Variants in COL5A2 observed in about 807,000 individuals in gnomAD.
The protein encoded by COL5A2 is collagen type V alpha 2 chain.
Under a neutral mutation model 208.2 loss-of-function variants are expected in COL5A2, and 23 were observed. That is an observed-to-expected ratio of 0.11 (90% confidence interval 0.08 to 0.16). The LOEUF is 0.16. Among genes scored for constraint, COL5A2 ranks in the 10% least tolerant of loss-of-function variants. COL5A2 has a pLI of 1.00. For missense variants in COL5A2, 1,590 were observed against 1,956.4 expected, an observed-to-expected ratio of 0.81 and a Z score of 3.53; for synonymous variants, 625 against 628.5, an observed-to-expected ratio of 0.99 and a Z score of 0.08.
intron 18 of COL5A2, among the ~76,000 whole-genome samples, chr2:189,071,064 C>G (rs1686264084): frequency 6.6e-6 from 1 of 152,134 alleles, no homozygotes; most frequent in Admixed American, 6.5e-5. Context: ...TGGTTTGTTT[C>G]TAAGTTTAAA....
At chr2:189,227,946 T>A (rs116661960), upstream of COL5A2, among the ~76,000 whole-genome samples, 1,963 of 152,004 alleles carry the variant, frequency 0.013, 48 homozygotes, top group African/African-American at 0.044. Context: ...AAACAAAACT[T>A]AACTAATTTA....
the COL5A2 span, chr2:189,311,249 C>T: frequency 2.1e-6 from 3 of 1,457,720 alleles, no homozygotes; most frequent in Admixed American, 1.7e-5. Flanking sequence ...GGGTACCCTG[C>T]TTCTGCTGGC....
intron 35 of COL5A2, among the ~76,000 whole-genome samples, chr2:189,055,384 A>C: frequency 6.6e-6 from 1 of 152,204 alleles, no homozygotes; most frequent in Non-Finnish European, 1.5e-5. Flanking sequence ...TCTTTAAAAC[A>C]AGTTCTCTAT....
chr2:189,126,904 G>A (rs900626116), intron 1 of COL5A2, among the ~76,000 whole-genome samples: 2 of 151,986 alleles, frequency 1.3e-5, no homozygotes, highest in Non-Finnish European at 2.9e-5. Flanking sequence ...TTCTTCTTTA[G>A]GTGCCAAAAC....
At chr2:189,040,827 T>C (rs1445182898) in intron 50 of COL5A2, among the ~76,000 whole-genome samples, 1 of 152,218 alleles carries the variant, frequency 6.6e-6, no homozygotes, top group African/African-American at 2.4e-5. Context: ...AGCTGTTTCC[T>C]ATTCACAATT....
rs560990378 is a variant in COL5A2 at position 189,047,317 on chromosome 2, GA to G, written c.3201+891del. On this transcript the variant is annotated intron_variant, in intron 45 of 53. Transcript: ENST00000374866. The stretch of plus-strand genomic sequence containing the variant: ...CACTATATAGTATATATTGACAAAG[GA>G]AAAAGCCCAAGTTGCCAAGAGAATT... Among the ~76,000 whole-genome samples the G allele has an allele frequency of 2.4e-3, 360 of 152,210 alleles. 6 individuals are homozygous for G. Among genetic ancestry groups the G allele is most frequent in the Non-Finnish European group, 4.4e-4 (30 of 68,004 alleles).
At chr2:189,081,404 A>G (rs890336739) in intron 12 of COL5A2, among the ~76,000 whole-genome samples, 4 of 152,166 alleles carry the variant, frequency 2.6e-5, no homozygotes, top group African/African-American at 9.7e-5. Context: ...TGACTATACC[A>G]AGGTAGAAAA....
the COL5A2 span, among the ~76,000 whole-genome samples, chr2:189,432,857 C>T: frequency 6.6e-6 from 1 of 152,182 alleles, no homozygotes; most frequent in African/African-American, 2.4e-5. Flanking sequence ...GAACTCTCCA[C>T]CCCAAATCAA....
At chr2:189,399,386 G>C in the COL5A2 span, among the ~76,000 whole-genome samples, 2 of 151,742 alleles carry the variant, frequency 1.3e-5, no homozygotes, top group African/African-American at 4.8e-5. Flanking sequence ...AAGTAGATGG[G>C]ATTACAGGTG....
intron 1 of COL5A2, among the ~76,000 whole-genome samples, chr2:189,114,640 A>G (rs1212657719): frequency 6.6e-6 from 1 of 151,154 alleles, no homozygotes; most frequent in South Asian, 2.1e-4. Context: ...TTAAAAAAAA[A>G]AAAAAAAAAT....
At chr2:189,323,145 A>G in the COL5A2 span, among the ~76,000 whole-genome samples, 5 of 152,354 alleles carry the variant, frequency 3.3e-5, no homozygotes, top group African/African-American at 1.2e-4. Flanking sequence ...AACTCTCAAT[A>G]AATTAGGTAC....
intron 2 of COL5A2, among the ~76,000 whole-genome samples, chr2:189,106,790 G>A (rs1475272819): frequency 6.6e-6 from 1 of 151,160 alleles, no homozygotes; most frequent in Non-Finnish European, 1.5e-5. Flanking sequence ...TTTATCAAAA[G>A]TATTTACTGA....
At chr2:189,067,493 A>G (rs1686179314) in intron 21 of COL5A2, among the ~76,000 whole-genome samples, 1 of 152,170 alleles carries the variant, frequency 6.6e-6, no homozygotes. Flanking sequence ...ATTAAGCACA[A>G]CTTCTCAATG....
At chr2:189,145,420 A>T (rs1204772021) in intron 1 of COL5A2, among the ~76,000 whole-genome samples, 2 of 152,176 alleles carry the variant, frequency 1.3e-5, no homozygotes, top group Non-Finnish European at 2.9e-5. Flanking sequence ...AATTCCCTAA[A>T]ATAATACAAC....
chr2:189,318,511 T>C, the COL5A2 span, among the ~76,000 whole-genome samples: 580 of 152,302 alleles, frequency 3.8e-3, 3 homozygotes, highest in South Asian at 0.015. Context: ...GCTTATAAGA[T>C]AGTAGTCCCC....
chr2:189,426,016 A>G, the COL5A2 span, among the ~76,000 whole-genome samples: 1 of 152,212 alleles, frequency 6.6e-6, no homozygotes, highest in African/African-American at 2.4e-5. Context: ...AGCAGTAAAT[A>G]CAGAAAATTG....
the COL5A2 span, among the ~76,000 whole-genome samples, chr2:189,300,390 C>T: frequency 8.5e-5 from 13 of 152,072 alleles, no homozygotes; most frequent in African/African-American, 2.2e-4. Context: ...ATTATATCCA[C>T]GTTTTCTGTT....
the COL5A2 span, among the ~76,000 whole-genome samples, chr2:189,252,160 G>A: frequency 6.6e-6 from 1 of 152,130 alleles, no homozygotes; most frequent in Admixed American, 6.5e-5. Flanking sequence ...TTACACTGTT[G>A]GTGGGACTGT....
At chr2:189,099,999 A>T in intron 4 of COL5A2, 108 bp downstream of exon 4, 1 of 974,290 alleles carries the variant, frequency 1.0e-6, no homozygotes, top group South Asian at 1.5e-5. Context: ...TTGTTTTTAA[A>T]ATAACTAATT....
Sources: allele counts gnomAD v4.1 joint callset (sites outside exome capture counted in the v4.1 genomes callset), GRCh38; gene constraint gnomAD v4.1.1; transcripts MANE v1.5; gene names NCBI Gene and HGNC (gene_info 2026-07-23, HGNC 2026-07-21).